ME1: variants seen among roughly 807,000 people sequenced by gnomAD.
ME1 encodes the protein malic enzyme 1, also known as NADP-dependent malic enzyme.
In ME1, 74 loss-of-function variants were observed where a neutral mutation model predicts 66.4. The ratio of observed to expected loss-of-function variants is 1.11; its 90% confidence interval spans 0.92 to 1.35. ME1 has a LOEUF of 1.35. Ranked by LOEUF, ME1 falls within the 40% of genes most tolerant of loss-of-function variation. The pLI is 0.00. For synonymous variants in ME1, 251 were observed against 235.6 expected, an observed-to-expected ratio of 1.07 and a Z score of -0.60; for missense variants, 750 against 694.1, an observed-to-expected ratio of 1.08 and a Z score of -0.90.
chr6:83,256,797 C>T (rs1766780256), intron 6 of ME1, among the ~76,000 whole-genome samples: 1 of 152,102 alleles, frequency 6.6e-6, no homozygotes, highest in Non-Finnish European at 1.5e-5. Context: ...AAACCAAATG[C>T]CCATCAGTGA....
chr6:83,263,166 G>A (rs1766928373), intron 6 of ME1, among the ~76,000 whole-genome samples: 1 of 152,038 alleles, frequency 6.6e-6, no homozygotes, highest in South Asian at 2.1e-4. Context: ...TTGCATATAA[G>A]ATGGCAAACT....
intron 3 of ME1, among the ~76,000 whole-genome samples, chr6:83,369,475 C>T (rs1159009232): frequency 6.6e-6 from 1 of 151,934 alleles, no homozygotes; most frequent in Non-Finnish European, 1.5e-5. Context: ...AAATACTATC[C>T]TTACTAAGAT....
At chr6:83,407,673 C>A in intron 2 of ME1, 95 bp downstream of exon 2, 1 of 1,294,404 alleles carries the variant, frequency 7.7e-7, no homozygotes, top group Non-Finnish European at 1.0e-6. Context: ...CTACCCTTTC[C>A]AAATCATTAA....
intron 5 of ME1, among the ~76,000 whole-genome samples, chr6:83,330,290 T>C (rs923773531): frequency 2.0e-5 from 3 of 152,202 alleles, no homozygotes; most frequent in African/African-American, 4.8e-5. Context: ...TTGTTATGGA[T>C]TCTATAAATA....
rs770895759 is a variant in ME1, at chr6:83,253,739, C to T, written c.705-1G>A. ...CTGAATAAGGCAATTCATGCCATAC[C>T]TATGGGACAAAAACATTCATATTAG... On this transcript the variant is annotated splice_acceptor_variant, in intron 6 of 13. Transcript: ENST00000369705. LOFTEE classifies it high-confidence loss of function. 6.6e-7 allele frequency: 1 copy of T among 1,518,186 alleles called. No homozygotes were observed. Among genetic ancestry groups the T allele is most frequent in the Non-Finnish European group, 9.1e-7 (1 of 1,095,968 alleles). The allele number at this position is 1,518,186 out of a possible 1,614,324, so 94.0% of individuals were successfully genotyped here. A position where few individuals can be genotyped will look rare whatever the true frequency, so the allele number is the denominator to read the frequency against.
intron 6 of ME1, among the ~76,000 whole-genome samples, chr6:83,262,026 A>AG (rs957312760): frequency 1.3e-5 from 2 of 151,878 alleles, no homozygotes; most frequent in East Asian, 1.9e-4. Flanking sequence ...AAAAAAAAAA[A>AG]AAAAGAAAAA....
At chr6:83,325,948 C>CAAAAAAAA (rs199839173) in intron 5 of ME1, among the ~76,000 whole-genome samples, 1 of 120,820 alleles carries the variant, frequency 8.3e-6, no homozygotes. Flanking sequence ...ACGAAGCAAA[C>CAAAAAAAA]AAAAAAAAAA....
chr6:83,283,227 C>CAAAAAAAAAAAAAAAAAAAAAAAAAAA (rs71545854), intron 6 of ME1, among the ~76,000 whole-genome samples: 4 of 28,902 alleles, frequency 1.4e-4, no homozygotes, highest in African/African-American at 1.4e-4. Context: ...GACTCCGTCT[C>CAAAAAAAAAAAAAAAAAAAAAAAAAAA]AAAAAAAAAA....
intron 6 of ME1, among the ~76,000 whole-genome samples, chr6:83,285,999 A>C (rs1767389811): frequency 6.6e-6 from 1 of 152,174 alleles, no homozygotes; most frequent in Non-Finnish European, 1.5e-5. Context: ...CATTATACCA[A>C]AAGTGGTGCT....
rs1222643104 is a variant in ME1, at chr6:83,211,595, A to T, written c.*329T>A. 1.2e-5 allele frequency: 2 copies of T among 163,652 alleles called. No homozygotes were observed. The highest frequency in any genetic ancestry group is 1.3e-5 in the Non-Finnish European group (1 of 76,482). The allele number at this position is 163,652 out of a possible 1,614,324, so 10.1% of individuals were successfully genotyped here. On this transcript the variant is annotated 3_prime_UTR_variant, in exon 14 of 14. Transcript: ENST00000369705. ...ATAATTATGAGTTTTAATGTTGGTTATGTCAATTTATTAGTAATTTTGGTC... is the reference window on the plus strand; with the variant it reads ...ATAATTATGAGTTTTAATGTTGGTTTTGTCAATTTATTAGTAATTTTGGTC...
Position 83,220,718 on chromosome 6 carries a change from G to A in ME1, c.1449+3042C>T, listed in dbSNP as rs555587431. ...TCTGGTAGTGAACGTTTGTGGTATT[G>A]TATTTATTCCTCTTGCTAAGATACA... On this transcript the variant is annotated intron_variant, in intron 12 of 13. Coordinates refer to ENST00000369705, the MANE Select transcript of ME1 (RefSeq NM_002395.6). Among the ~76,000 whole-genome samples, 4 of 152,216 alleles carry A rather than the reference G, an allele frequency of 2.6e-5. No individual in the cohort carries two copies. The South Asian group carries it at 6.2e-4, about 24-fold the overall frequency.
At chr6:83,419,692 C>T (rs866621228) in intron 1 of ME1, among the ~76,000 whole-genome samples, 3 of 151,994 alleles carry the variant, frequency 2.0e-5, no homozygotes, top group African/African-American at 2.4e-5. Flanking sequence ...TATTAAGAAC[C>T]ATTCACCTCA....
Position 83,407,903 on chromosome 6 carries a change from T to C in ME1, c.79-2A>G. Reference sequence around the variant, plus strand: ...CTCTTCCAGGGTAAAGGCCAAGTCCTATAGAGAAAAAACACACACACACAC... The same window carrying C: ...CTCTTCCAGGGTAAAGGCCAAGTCCCATAGAGAAAAAACACACACACACAC... On this transcript the variant is annotated splice_acceptor_variant, in intron 1 of 13. Transcript: ENST00000369705. LOFTEE classifies it high-confidence loss of function. 1.3e-6 allele frequency: 2 copies of C among 1,595,878 alleles called. No homozygotes were observed. Among genetic ancestry groups the C allele is most frequent in the South Asian group, 2.3e-5 (2 of 87,142 alleles).
chr6:83,421,726 G>C (rs995801136), intron 1 of ME1, among the ~76,000 whole-genome samples: 1 of 152,160 alleles, frequency 6.6e-6, no homozygotes, highest in African/African-American at 2.4e-5. Flanking sequence ...GAATCAGAAA[G>C]GGGGTGCTTA....
At chr6:83,248,705 C>T (rs1790667166) in intron 7 of ME1, among the ~76,000 whole-genome samples, 1 of 152,162 alleles carries the variant, frequency 6.6e-6, no homozygotes, top group South Asian at 2.1e-4. Context: ...CATCTCTCTC[C>T]TGCTGCCTTG....
At chr6:83,257,514 C>A (rs1324969796) in intron 6 of ME1, among the ~76,000 whole-genome samples, 1 of 152,002 alleles carries the variant, frequency 6.6e-6, no homozygotes, top group Non-Finnish European at 1.5e-5. Flanking sequence ...TCACTAAAGA[C>A]AAAAAGAAGC....
At chr6:83,349,055 T>C (rs2128544207) in intron 4 of ME1, among the ~76,000 whole-genome samples, 1 of 150,384 alleles carries the variant, frequency 6.6e-6, no homozygotes, top group East Asian at 1.9e-4. Context: ...TTTTATTCCC[T>C]AAGTTCTTCT....
At chr6:83,223,530 T>C (rs2128523372) in intron 12 of ME1, among the ~76,000 whole-genome samples, 1 of 152,340 alleles carries the variant, frequency 6.6e-6, no homozygotes, top group Admixed American at 6.5e-5. Flanking sequence ...AAAATGTTCC[T>C]CTTAAGAAAT....
intron 2 of ME1, among the ~76,000 whole-genome samples, chr6:83,400,306 T>A (rs918095277): frequency 1.3e-5 from 2 of 152,148 alleles, no homozygotes; most frequent in Non-Finnish European, 2.9e-5. Flanking sequence ...GGTTGGCACT[T>A]CCTTCCTATC....
Sources: allele counts gnomAD v4.1 joint callset (sites outside exome capture counted in the v4.1 genomes callset), GRCh38; gene constraint gnomAD v4.1.1; transcripts MANE v1.5; gene names NCBI Gene and HGNC (gene_info 2026-07-23, HGNC 2026-07-21).